The following CDH13 variants were observed in gnomAD, a reference collection of about 807,000 sequenced individuals.
CDH13 encodes cadherin-13.
Under a neutral mutation model 63.8 loss-of-function variants are expected in CDH13, and 24 were observed. The ratio of observed to expected loss-of-function variants is 0.38; its 90% CI spans 0.27 to 0.53. The LOEUF (loss-of-function observed/expected upper bound fraction) is 0.53, where lower values mean the gene tolerates loss of function less well. Ranked by LOEUF, CDH13 falls within the 20% of genes least tolerant of loss-of-function variation. CDH13 has a pLI of 0.85. For missense variants in CDH13, 1,049 were observed against 903.1 expected, an observed-to-expected ratio of 1.16 and a Z score of -2.07; for synonymous variants, 503 against 355.3, an observed-to-expected ratio of 1.42 and a Z score of -4.67.
intron 2 of CDH13, among the ~76,000 whole-genome samples, chr16:82,880,776 G>A (rs1267948866): frequency 6.6e-6 from 1 of 152,054 alleles, no homozygotes; most frequent in Non-Finnish European, 1.5e-5. Flanking sequence ...TTGATATTAA[G>A]GTCAACTCTA....
intron 3 of CDH13, among the ~76,000 whole-genome samples, chr16:83,117,160 A>C (rs1052821386): frequency 1.3e-5 from 2 of 152,218 alleles, no homozygotes; most frequent in South Asian, 2.1e-4. Flanking sequence ...CCTCAGCTCA[A>C]AACCCTTCCA....
rs549507216 is a variant in CDH13 at position 83,408,399 on chromosome 16, G to A, written c.781+63393G>A. 1.2e-4 allele frequency among the ~76,000 whole-genome samples: 19 copies of A among 152,180 alleles called. No individual in the cohort carries two copies. The East Asian group carries it at 3.7e-3, about 29-fold the overall frequency. ...ATAGTGCACTTACGCAAATCTAGAT[G>A]GTATATTCTGCTACATGCCTATCCT... On this transcript the variant is annotated intron_variant, in intron 6 of 13. Transcript: ENST00000567109.
chr16:83,327,426 G>A (rs2090389208), intron 5 of CDH13, among the ~76,000 whole-genome samples: 1 of 152,086 alleles, frequency 6.6e-6, no homozygotes, highest in East Asian at 1.9e-4. Context: ...TTTGTCTATT[G>A]ATCTGTCCTC....
chr16:83,398,248 GA>G, intron 6 of CDH13: 1 of 152,278 alleles, frequency 6.6e-6, no homozygotes, highest in South Asian at 2.1e-4. Context: ...CTGGAAGCCA[GA>G]AGCCAAAATC....
chr16:82,851,196 G>T (rs867013042), intron 1 of CDH13, among the ~76,000 whole-genome samples: 7 of 152,232 alleles, frequency 4.6e-5, no homozygotes, highest in African/African-American at 1.7e-4. Flanking sequence ...AGCCCTTTGG[G>T]AGGCTGAGGC....
intron 5 of CDH13, among the ~76,000 whole-genome samples, chr16:83,337,432 T>C (rs2090622717): frequency 6.6e-6 from 1 of 152,026 alleles, no homozygotes; most frequent in South Asian, 2.1e-4. Flanking sequence ...ACTCAGAAGA[T>C]CAGGGCTAAC....
At chr16:83,165,223 G>A (rs558140688) in intron 4 of CDH13, among the ~76,000 whole-genome samples, 2 of 152,212 alleles carry the variant, frequency 1.3e-5, no homozygotes, top group South Asian at 4.2e-4. Context: ...GGACATCTCA[G>A]TAGAGTATAC....
At chr16:83,702,416 T>G (rs1395292884) in intron 10 of CDH13, among the ~76,000 whole-genome samples, 2 of 152,096 alleles carry the variant, frequency 1.3e-5, no homozygotes, top group Admixed American at 6.5e-5. Flanking sequence ...CACCTTCCAT[T>G]TCATGAGGCT....
Position 82,858,487 on chromosome 16 carries a change from C to T in CDH13, c.157+14C>T, listed in dbSNP as rs760878454. On this transcript the variant is annotated intron_variant, in intron 2 of 13. Transcript: ENST00000567109. ...CAATTCTAAACTGTAAGCAATGTCACTCAAAGATGCTTTTAGACTCTTCTC... is the reference window on the plus strand; with the variant it reads ...CAATTCTAAACTGTAAGCAATGTCATTCAAAGATGCTTTTAGACTCTTCTC... The T allele has an allele frequency of 9.7e-6, 14 of 1,440,716 alleles. No homozygotes were observed. The African/African-American group carries it at 9.8e-5, about 10-fold the overall frequency. The allele number at this position is 1,440,716 out of a possible 1,614,324, so 89.2% of individuals were successfully genotyped here.
chr16:82,897,286 G>T (rs537440617), intron 2 of CDH13, among the ~76,000 whole-genome samples: 1 of 152,334 alleles, frequency 6.6e-6, no homozygotes, highest in East Asian at 1.9e-4. Context: ...AGCTGGGGTA[G>T]CTGATCAATG....
At chr16:83,683,586 T>C (rs35206862) in intron 10 of CDH13, among the ~76,000 whole-genome samples, 24,017 of 152,244 alleles carry the variant, frequency 0.16, 2,077 homozygotes, top group African/African-American at 0.24. Context: ...TATTATTCCA[T>C]TACAGGGATA....
chr16:83,155,360 C>T (rs1342034274), intron 4 of CDH13, among the ~76,000 whole-genome samples: 1 of 152,114 alleles, frequency 6.6e-6, no homozygotes, highest in Non-Finnish European at 1.5e-5. Context: ...TTGTCTGGAC[C>T]TGTGCCTTTA....
At chr16:83,658,135 G>T (rs1167280418) in intron 8 of CDH13, among the ~76,000 whole-genome samples, 18 of 141,998 alleles carry the variant, frequency 1.3e-4, no homozygotes, top group Admixed American at 2.1e-4. Flanking sequence ...CACCAGCAAG[G>T]TCTCATGTCC....
intron 10 of CDH13, among the ~76,000 whole-genome samples, chr16:83,711,447 C>T (rs762335944): frequency 6.6e-6 from 1 of 152,166 alleles, no homozygotes; most frequent in Non-Finnish European, 1.5e-5. Flanking sequence ...CTGAGAGGCA[C>T]ACTGGCTAGC....
intron 3 of CDH13, among the ~76,000 whole-genome samples, chr16:83,106,278 G>GC (rs1401985157): frequency 1.3e-5 from 2 of 152,186 alleles, no homozygotes; most frequent in Non-Finnish European, 2.9e-5. Context: ...CATGGCTCAT[G>GC]CCTGTAATCC....
At chr16:82,839,329 A>G (rs923667571) in intron 1 of CDH13, among the ~76,000 whole-genome samples, 2 of 152,122 alleles carry the variant, frequency 1.3e-5, no homozygotes. Flanking sequence ...ATGTTGCTTT[A>G]TGCTGTGGGC....
At chr16:83,334,723 C>A (rs2090555756) in intron 5 of CDH13, among the ~76,000 whole-genome samples, 2 of 152,116 alleles carry the variant, frequency 1.3e-5, no homozygotes, top group African/African-American at 4.8e-5. Context: ...ATTCCATTGG[C>A]AACCTTAATT....
At chr16:82,930,531 T>C (rs1046736990) in intron 2 of CDH13, among the ~76,000 whole-genome samples, 2 of 152,210 alleles carry the variant, frequency 1.3e-5, no homozygotes, top group African/African-American at 4.8e-5. Context: ...ATCTAATTTA[T>C]CTATTTTATT....
intron 4 of CDH13, among the ~76,000 whole-genome samples, chr16:83,179,574 C>T (rs893780851): frequency 3.3e-5 from 5 of 151,378 alleles, no homozygotes; most frequent in African/African-American, 1.2e-4. Context: ...ATGGAGTGAA[C>T]CCGGGAGGTG....
Sources: gnomAD v4.1 joint callset for allele counts (sites outside exome capture counted in the v4.1 genomes callset) on GRCh38, gnomAD v4.1.1 for gene constraint, MANE v1.5 for transcripts, NCBI Gene and HGNC (gene_info 2026-07-23, HGNC 2026-07-21) for gene names.